The following SLC9C2 variants were observed in gnomAD, a reference collection of about 807,000 sequenced individuals.
SLC9C2 encodes the protein sodium/hydrogen exchanger 11.
A neutral mutation model predicts 140.2 loss-of-function variants in SLC9C2; 75 were observed. The ratio of observed to expected loss-of-function variants is 0.53; its 90% CI spans 0.44 to 0.65. The LOEUF is 0.65. Ranked by LOEUF, SLC9C2 falls within the 30% of genes least tolerant of loss-of-function variation. SLC9C2 has a pLI of 0.00. For synonymous variants in SLC9C2, 375 were observed against 420.9 expected (o/e 0.89, Z 1.34); for missense variants, 1,074 against 1,331.8 (o/e 0.81, Z 3.01).
intron 13 of SLC9C2, among the ~76,000 whole-genome samples, chr1:173,542,165 G>A (rs774714543): frequency 7.9e-5 from 12 of 152,162 alleles, no homozygotes; most frequent in Non-Finnish European, 1.3e-4. Context: ...AATAAAAAAT[G>A]ATAAAGGGGA....
chr1:173,518,097 A>C (rs1478904068), intron 22 of SLC9C2, among the ~76,000 whole-genome samples: 1 of 150,786 alleles, frequency 6.6e-6, no homozygotes, highest in Non-Finnish European at 1.5e-5. Flanking sequence ...CGTCTCTGCT[A>C]AAAAAAAATA....
rs775373826 is a variant in SLC9C2, at chr1:173,554,816, T to TAA, written c.1216-4_1216-3dup. The TAA allele has an allele frequency of 6.5e-6, 10 of 1,548,948 alleles. No individual in the cohort carries two copies. In the Admixed American group the frequency reaches 1.5e-4, roughly 24 times the overall value. On this transcript the variant is annotated splice_region_variant and splice_polypyrimidine_tract_variant and intron_variant, in intron 10 of 27. Coordinates refer to ENST00000367714, the MANE Select transcript of SLC9C2 (RefSeq NM_178527.4). ...TATTACTTGTACATAGAGTATAAAC[T>TAA]AAAAACAAAGCACATAAATAGTTAG... is the stretch of plus-strand genomic sequence containing the variant.
chr1:173,562,031 AT>A lies in SLC9C2; in HGVS notation c.1047-4524del, dbSNP rs557125683. ...AAGCCAGTTCTAGAAATAAAATTTC[AT>A]TTTTTTGAGTACTAAAAATCTGGGC... is the stretch of plus-strand genomic sequence containing the variant. On this transcript the variant is annotated intron_variant, in intron 9 of 27. Coordinates refer to ENST00000367714, the MANE Select transcript of SLC9C2 (RefSeq NM_178527.4). Among the ~76,000 whole-genome samples the A allele has an allele frequency of 1.7e-3, 265 of 152,228 alleles. 1 individual carries two copies. Among genetic ancestry groups the A allele is most frequent in the African/African-American group, 6.2e-3 (258 of 41,520 alleles).
At chr1:173,561,886 C>CA (rs5778772) in intron 9 of SLC9C2, among the ~76,000 whole-genome samples, 5,060 of 141,058 alleles carry the variant, frequency 0.036, 202 homozygotes, top group East Asian at 0.22. Context: ...CACACACACA[C>CA]CCCCAACTGT....
rs189909983 is a variant in SLC9C2, at chr1:173,540,453, G to A, written c.1558-3414C>T. 1.4e-4 allele frequency among the ~76,000 whole-genome samples: 22 copies of A among 152,298 alleles called. No homozygotes were observed. The East Asian group carries it at 1.9e-3, about 13-fold the overall frequency. Reference sequence around the variant, plus strand: ...CAGTATCAATTGTGGAGAGCCTCCAGAAATTAAAACATACTGCATTAGCTT... The same window carrying A: ...CAGTATCAATTGTGGAGAGCCTCCAAAAATTAAAACATACTGCATTAGCTT... On this transcript the variant is annotated intron_variant, in intron 13 of 27. Coordinates refer to ENST00000367714, the MANE Select transcript of SLC9C2 (RefSeq NM_178527.4).
intron 9 of SLC9C2, among the ~76,000 whole-genome samples, chr1:173,567,321 T>C (rs1664534972): frequency 6.6e-6 from 1 of 152,070 alleles, no homozygotes; most frequent in South Asian, 2.1e-4. Flanking sequence ...ACTAATAATA[T>C]TTGTTTTATC....
intron 22 of SLC9C2, among the ~76,000 whole-genome samples, chr1:173,518,764 C>T (rs945654632): frequency 6.6e-6 from 1 of 152,142 alleles, no homozygotes; most frequent in African/African-American, 2.4e-5. Context: ...GGCATTCATG[C>T]TTCCAGAAGA....
At chr1:173,540,839 T>C (rs980871621) in intron 13 of SLC9C2, among the ~76,000 whole-genome samples, 2 of 152,154 alleles carry the variant, frequency 1.3e-5, no homozygotes, top group African/African-American at 4.8e-5. Context: ...GGTTGGAAAG[T>C]AAACATGTTT....
intron 4 of SLC9C2, among the ~76,000 whole-genome samples, chr1:173,591,126 C>T (rs1666133203): frequency 6.6e-6 from 1 of 152,090 alleles, no homozygotes; most frequent in Non-Finnish European, 1.5e-5. Context: ...TGAGAGCATG[C>T]AGTATTTGGT....
chr1:173,526,130 C>G (rs1661176579), intron 19 of SLC9C2, among the ~76,000 whole-genome samples: 1 of 151,064 alleles, frequency 6.6e-6, no homozygotes, highest in African/African-American at 2.5e-5. Flanking sequence ...CCCACAGCCC[C>G]CCATGAGAAA....
chr1:173,599,787 A>G (rs1282883824), intron 3 of SLC9C2, among the ~76,000 whole-genome samples: 4 of 152,034 alleles, frequency 2.6e-5, no homozygotes, highest in Non-Finnish European at 2.9e-5. Flanking sequence ...TATTTTTAGT[A>G]GAGATGGGAT....
At chr1:173,530,101 A>G in intron 17 of SLC9C2, 47 bp from the exon 18 acceptor site, 1 of 1,522,372 alleles carries the variant, frequency 6.6e-7, no homozygotes, top group Non-Finnish European at 8.8e-7. Context: ...TTTGATGAGG[A>G]AAAGCACCCT....
intron 23 of SLC9C2, among the ~76,000 whole-genome samples, chr1:173,513,849 T>A (rs1009074257): frequency 1.1e-4 from 16 of 152,232 alleles, no homozygotes; most frequent in Admixed American, 7.9e-4. Context: ...TCTGGTATGT[T>A]GTCTCTTTGT....
chr1:173,580,171 A>G (rs897680606), intron 7 of SLC9C2, among the ~76,000 whole-genome samples: 4 of 72 alleles, frequency 0.056, no homozygotes, highest in East Asian at 0.4. Context: ...TCTATGGTGT[A>G]AAGACTCACT....
intron 17 of SLC9C2, among the ~76,000 whole-genome samples, chr1:173,531,209 A>T (rs752898908): frequency 2.8e-4 from 42 of 152,230 alleles, no homozygotes; most frequent in Admixed American, 2.3e-3. Context: ...CCTGGAAAAT[A>T]GTGAGTGTTC....
At chr1:173,569,482 G>A (rs981354576) in intron 9 of SLC9C2, among the ~76,000 whole-genome samples, 1 of 151,812 alleles carries the variant, frequency 6.6e-6, no homozygotes, top group Non-Finnish European at 1.5e-5. Context: ...CTTGAATATT[G>A]ATATCTTTCC....
chr1:173,530,776 C>T (rs1016761467), intron 17 of SLC9C2, among the ~76,000 whole-genome samples: 5 of 152,138 alleles, frequency 3.3e-5, no homozygotes, highest in African/African-American at 1.2e-4. Flanking sequence ...AGGGGGCTTC[C>T]CACAGGGTTA....
rs760283399 is a variant in SLC9C2, at chr1:173,600,162, A to G, written c.183T>C (p.Ser61=). Residue 61 remains serine (S), a synonymous_variant, in exon 3 of 28, where the codon TCT becomes TCC. Transcript: ENST00000367714. ...NCEVIVLTIL[S]LSGFVIGHMA... ...TGTGTCCTATCACGAATCCTGATAG[A>G]GAAAGAATCGTCAAAACAATGACTT... 5.0e-6 allele frequency: 8 copies of G among 1,612,632 alleles called. No homozygotes were observed. Among genetic ancestry groups the G allele is most frequent in the Admixed American group, 3.3e-5 (2 of 59,876 alleles).
chr1:173,538,221 A>C (rs879054254), intron 13 of SLC9C2, among the ~76,000 whole-genome samples: 3 of 152,196 alleles, frequency 2.0e-5, no homozygotes, highest in Admixed American at 2.0e-4. Context: ...TGGAGCACTT[A>C]GTGGATTTCC....
Sources: allele counts gnomAD v4.1 joint callset (sites outside exome capture counted in the v4.1 genomes callset), GRCh38; gene constraint gnomAD v4.1.1; transcripts MANE v1.5; gene names NCBI Gene and HGNC (gene_info 2026-07-23, HGNC 2026-07-21).